The following GPR39 variants were observed in gnomAD, a reference collection of about 807,000 sequenced individuals.
GPR39 encodes the protein G protein-coupled receptor 39.
A neutral mutation model predicts 18.4 loss-of-function variants in GPR39; 23 were observed. That is an observed-to-expected ratio of 1.25 (90% CI 0.90 to 1.77). The LOEUF (loss-of-function observed/expected upper bound fraction) is 1.77, where lower values mean the gene tolerates loss of function less well. Ranked by LOEUF, GPR39 falls within the 40% of genes most tolerant of loss-of-function variation. The pLI is 0.00. For missense variants in GPR39, 647 were observed against 602.4 expected (o/e 1.07, Z -0.78); for synonymous variants, 280 against 257.9 (o/e 1.09, Z -0.82).
At chr2:132,541,849 C>A (rs751170798) in intron 1 of GPR39, among the ~76,000 whole-genome samples, 1 of 152,168 alleles carries the variant, frequency 6.6e-6, no homozygotes, top group Admixed American at 6.5e-5. Flanking sequence ...ATAACATAGA[C>A]CAGGTGCCTT....
chr2:132,580,241 T>A (rs577738069), intron 1 of GPR39, among the ~76,000 whole-genome samples: 5 of 152,360 alleles, frequency 3.3e-5, no homozygotes, highest in African/African-American at 1.2e-4. Context: ...GTGCCTTGCA[T>A]TCACTATATG....
intron 1 of GPR39, among the ~76,000 whole-genome samples, chr2:132,616,409 T>C (rs528988925): frequency 6.6e-6 from 1 of 152,126 alleles, no homozygotes; most frequent in Admixed American, 6.5e-5. Flanking sequence ...TGCTATTGAA[T>C]TTTTCAGCGA....
intron 1 of GPR39, among the ~76,000 whole-genome samples, chr2:132,480,060 T>C (rs907725194): frequency 6.6e-6 from 1 of 152,214 alleles, no homozygotes; most frequent in African/African-American, 2.4e-5. Context: ...ATACGTGTAG[T>C]GGAATATTAT....
chr2:132,520,263 A>G (rs566282593), intron 1 of GPR39, among the ~76,000 whole-genome samples: 67 of 152,308 alleles, frequency 4.4e-4, no homozygotes, highest in Middle Eastern at 3.4e-3. Context: ...TGCCTTTGAT[A>G]CTGCTGTGGT....
intron 1 of GPR39, among the ~76,000 whole-genome samples, chr2:132,641,204 C>T (rs567376356): frequency 6.6e-6 from 1 of 152,296 alleles, no homozygotes; most frequent in Admixed American, 6.5e-5. Context: ...CTTGTGTTTT[C>T]AGGATTATAT....
intron 1 of GPR39, among the ~76,000 whole-genome samples, chr2:132,545,393 G>A (rs1679927103): frequency 6.6e-6 from 1 of 152,252 alleles, no homozygotes; most frequent in Admixed American, 6.5e-5. Flanking sequence ...GTGATTTCAG[G>A]GTCCCCATCC....
chr2:132,503,139 G>A (rs1384176890), intron 1 of GPR39, among the ~76,000 whole-genome samples: 3 of 152,208 alleles, frequency 2.0e-5, no homozygotes, highest in African/African-American at 4.8e-5. Context: ...GGGTGTTAAA[G>A]AAGGTTGTTT....
At chr2:132,587,091 C>T (rs762452372) in intron 1 of GPR39, among the ~76,000 whole-genome samples, 7 of 152,184 alleles carry the variant, frequency 4.6e-5, no homozygotes, top group African/African-American at 9.7e-5. Context: ...AAAGGTCTTG[C>T]GGTAAAGACT....
At chr2:132,443,017 CTGA>C (rs1225466397) in intron 1 of GPR39, among the ~76,000 whole-genome samples, 18 of 152,002 alleles carry the variant, frequency 1.2e-4, no homozygotes, top group Non-Finnish European at 2.5e-4. Context: ...TTAAATATCT[CTGA>C]TATAAATAGT....
At chr2:132,455,167 T>C (rs1330871070) in intron 1 of GPR39, among the ~76,000 whole-genome samples, 1 of 152,210 alleles carries the variant, frequency 6.6e-6, no homozygotes, top group African/African-American at 2.4e-5. Context: ...GAACCTGTAA[T>C]TGGTCTTTTC....
chr2:132,503,499 T>C (rs549615722), intron 1 of GPR39, among the ~76,000 whole-genome samples: 4 of 152,338 alleles, frequency 2.6e-5, no homozygotes, highest in Non-Finnish European at 5.9e-5. Context: ...GGACTCTGTG[T>C]GAGTCCTTGG....
intron 1 of GPR39, among the ~76,000 whole-genome samples, chr2:132,503,151 G>T (rs1356189757): frequency 6.6e-6 from 1 of 152,176 alleles, no homozygotes; most frequent in Non-Finnish European, 1.5e-5. Flanking sequence ...AGGTTGTTTT[G>T]TCATATTACC....
chr2:132,582,915 CTT>C (rs5834320), intron 1 of GPR39, among the ~76,000 whole-genome samples: 45,822 of 100,980 alleles, frequency 0.45, 8,958 homozygotes, highest in East Asian at 0.81. Flanking sequence ...TTCTTTCTTT[CTT>C]TTTTTTTTTT....
chr2:132,417,947 C>T (rs758342280), intron 1 of GPR39, 49 bp downstream of exon 1: 1 of 1,530,910 alleles, frequency 6.5e-7, no homozygotes, highest in South Asian at 1.2e-5. Context: ...CAACCTTCCC[C>T]CACGACCCGT....
chr2:132,497,056 A>G (rs1681654415), intron 1 of GPR39, among the ~76,000 whole-genome samples: 1 of 152,200 alleles, frequency 6.6e-6, no homozygotes, highest in South Asian at 2.1e-4. Flanking sequence ...GTCCTTATAC[A>G]TGCATATCTT....
At chr2:132,585,214 C>A (rs927385708) in intron 1 of GPR39, among the ~76,000 whole-genome samples, 2 of 152,052 alleles carry the variant, frequency 1.3e-5, no homozygotes, top group Non-Finnish European at 2.9e-5. Context: ...CTGCTTTTCC[C>A]GTAACAACTT....
At position 132,645,426 on chromosome 2, in the gene GPR39, C is replaced by T. The variant is rs1353096747; in HGVS notation, c.1182C>T (p.Phe394=). 15 of 1,613,418 alleles carry T rather than the reference C, an allele frequency of 9.3e-6. No homozygotes were observed. The highest frequency in any genetic ancestry group is 1.2e-5 in the Non-Finnish European group (14 of 1,180,042). The change falls in exon 2 of 2, where the codon TTC becomes TTT. Residue 394 remains phenylalanine, a synonymous_variant. Transcript: ENST00000329321. ...GCTTTGTGCAGCGCCCGTTGCTCTT[C>T]GCGTCCCGGCGCCAGTCCTCTGCAA... ...SARFVQRPLL[F]ASRRQSSARR...
chr2:132,481,257 T>C (rs1159966088), intron 1 of GPR39, among the ~76,000 whole-genome samples: 2 of 152,180 alleles, frequency 1.3e-5, no homozygotes, highest in African/African-American at 2.4e-5. Flanking sequence ...TATAAGGTCA[T>C]CACCTCAAGA....
At chr2:132,473,531 T>C (rs1057308836) in intron 1 of GPR39, among the ~76,000 whole-genome samples, 2 of 152,146 alleles carry the variant, frequency 1.3e-5, no homozygotes, top group African/African-American at 4.8e-5. Flanking sequence ...AAGACTACAG[T>C]ACTTTGATGC....
Sources: allele counts gnomAD v4.1 joint callset (sites outside exome capture counted in the v4.1 genomes callset), GRCh38; gene constraint gnomAD v4.1.1; transcripts MANE v1.5; gene names NCBI Gene and HGNC (gene_info 2026-07-23, HGNC 2026-07-21).